The following TIMM44 variants were observed in gnomAD, a reference collection of about 807,000 sequenced individuals.
The protein encoded by TIMM44 is translocase of inner mitochondrial membrane 44.
A neutral mutation model predicts 63.8 loss-of-function variants in TIMM44; 37 were observed. The observed-to-expected ratio is 0.58, with a 90% confidence interval of 0.45 to 0.76. TIMM44 has a LOEUF of 0.76. TIMM44 is among the 30% of genes least tolerant of loss of function. The probability of loss-of-function intolerance (pLI) is 0.00; values close to 1 mark genes in which losing one functional copy is unlikely to be tolerated. For missense variants in TIMM44, 573 were observed against 603.8 expected, an observed-to-expected ratio of 0.95 and a Z score of 0.54; for synonymous variants, 239 against 245.1, an observed-to-expected ratio of 0.98 and a Z score of 0.23.
At chr19:7,938,548 T>A (rs1401467154) in intron 2 of TIMM44, among the ~76,000 whole-genome samples, 1 of 152,176 alleles carries the variant, frequency 6.6e-6, no homozygotes, top group Admixed American at 6.5e-5. Flanking sequence ...GGTTCACGCC[T>A]GTAATCCCAG....
In TIMM44 at chr19:7,932,633, G is replaced by A. The variant is rs770314240; in HGVS notation, c.981C>T (p.Val327=). The A allele has an allele frequency of 5.6e-6, 9 of 1,613,580 alleles. No individual in the cohort carries two copies. Among genetic ancestry groups the A allele is most frequent in the Middle Eastern group, 1.8e-4 (1 of 5,712 alleles). The change falls in exon 9 of 13, where the codon GTC becomes GTT. Residue 327 remains valine (V), a synonymous_variant. Transcript: ENST00000270538. ...KQCENDIIPN[V]LEAMISGELD... ...CTGGGGGTGTGGCACCCACCTCCAG[G>A]ACATTGGGGATGATGTCGTTCTCGC...
chr19:7,927,086 C>T lies in TIMM44; in HGVS notation c.*101G>A. On this transcript the variant is annotated 3_prime_UTR_variant, in exon 13 of 13. Coordinates refer to ENST00000270538, the MANE Select transcript of TIMM44 (RefSeq NM_006351.4). ...GTCCTGGCAGAGCTGGGGGCAGAGC[C>T]CGCAGTCTTGTTCCCAGAGGTCTGG... The T allele has an allele frequency of 2.0e-6, 3 of 1,494,050 alleles. No individual in the cohort carries two copies. The highest frequency in any genetic ancestry group is 2.7e-6 in the Non-Finnish European group (3 of 1,109,952). 92.5% of individuals were successfully genotyped at this position (1,494,050 alleles called of 1,614,324 possible).
At chr19:7,930,303 CTTTTTTT>C (rs71179159) in intron 10 of TIMM44, among the ~76,000 whole-genome samples, 10 of 109,500 alleles carry the variant, frequency 9.1e-5, no homozygotes, top group East Asian at 7.5e-4. Context: ...ATGCTTGGCT[CTTTTTTT>C]TTTTTTTTTT....
chr19:7,928,096 A>G lies in TIMM44; in HGVS notation c.1109T>C (p.Leu370Pro). The G allele has an allele frequency of 1.2e-6, 2 of 1,614,012 alleles. No individual in the cohort carries two copies. Among genetic ancestry groups the G allele is most frequent in the Non-Finnish European group, 1.7e-6 (2 of 1,179,944 alleles). Reference sequence around the variant, plus strand: ...GCTTACGTCGACGTTGTCAATGTCTAGGATGCGAGAATGGAACTGGAGACC... The same window carrying G: ...GCTTACGTCGACGTTGTCAATGTCTGGGATGCGAGAATGGAACTGGAGACC... ...ALGLQFHSRILDIDNVDLAMG... is the reference protein window; with the variant it reads ...ALGLQFHSRIPDIDNVDLAMG... Residue 370 changes from leucine to proline, a missense_variant, in exon 11 of 13, where the codon CTA becomes CCA. By Grantham distance (98) the Leu-to-Pro change is moderately conservative. Coordinates refer to ENST00000270538, the MANE Select transcript of TIMM44 (RefSeq NM_006351.4).
intron 10 of TIMM44, among the ~76,000 whole-genome samples, chr19:7,930,773 A>G (rs990118230): frequency 1.3e-5 from 2 of 152,182 alleles, no homozygotes; most frequent in African/African-American, 4.8e-5. Context: ...GGAGGGAAAA[A>G]AAAGGCCCAG....
At chr19:7,936,471 C>G (rs907888285) in intron 3 of TIMM44, among the ~76,000 whole-genome samples, 1 of 151,998 alleles carries the variant, frequency 6.6e-6, no homozygotes, top group African/African-American at 2.4e-5. Flanking sequence ...AAACAAAAAA[C>G]GAACAAACAA....
intron 10 of TIMM44, among the ~76,000 whole-genome samples, chr19:7,930,695 G>A (rs151135271): frequency 4.6e-5 from 7 of 152,066 alleles, no homozygotes; most frequent in African/African-American, 1.2e-4. Context: ...GCAATCTCCC[G>A]CCTTGGGCTG....
chr19:7,940,984 G>T, intron 2 of TIMM44, 118 bp downstream of exon 2: 1 of 785,530 alleles, frequency 1.3e-6, no homozygotes, highest in Non-Finnish European at 2.2e-6. Context: ...GACACAGAAG[G>T]CCCACCACCG....
At chr19:7,928,279 TGGCAGA>T in intron 10 of TIMM44, 113 bp from the exon 11 acceptor site, 1 of 891,840 alleles carries the variant, frequency 1.1e-6, no homozygotes, top group African/African-American at 1.7e-5. Context: ...CAGCCAGCAA[TGGCAGA>T]GGCCAAGAAC....
intron 1 of TIMM44, among the ~76,000 whole-genome samples, chr19:7,942,827 A>AT: frequency 6.6e-6 from 1 of 151,000 alleles, no homozygotes; most frequent in Non-Finnish European, 1.5e-5. Context: ...TGCCCGGCTA[A>AT]TTTTTTTGTA....
At chr19:7,942,558 G>A (rs891234445) in intron 1 of TIMM44, among the ~76,000 whole-genome samples, 10 of 151,966 alleles carry the variant, frequency 6.6e-5, no homozygotes, top group Non-Finnish European at 1.2e-4. Context: ...CACATTTCCT[G>A]GGCCGTTTTT....
chr19:7,935,715 T>G (rs1217110838), intron 3 of TIMM44, among the ~76,000 whole-genome samples: 3 of 152,284 alleles, frequency 2.0e-5, no homozygotes, highest in Non-Finnish European at 4.4e-5. Flanking sequence ...GGCCCAGCCT[T>G]CACCTTTCAC....
In TIMM44 at chr19:7,931,156, T is replaced by C; in HGVS notation, c.1020A>G (p.Lys340=). The change falls in exon 10 of 13, where the codon AAA becomes AAG. Residue 340 remains lysine, a synonymous_variant. Transcript: ENST00000270538. ...TACTCACAGCTTCATAGCACCAGTC[T>C]TTGAGAATGTCAAGCTCTCCAGAAA... ...AMISGELDIL[K]DWCYEATYSQ... 1.9e-6 allele frequency: 3 copies of C among 1,613,254 alleles called. No individual in the cohort carries two copies. The highest frequency in any genetic ancestry group is 2.5e-6 in the Non-Finnish European group (3 of 1,179,880).
At chr19:7,927,810 C>G (rs751848470) in intron 11 of TIMM44, 43 bp from the exon 12 acceptor site, 58 of 1,586,224 alleles carry the variant, frequency 3.7e-5, no homozygotes, top group Non-Finnish European at 1.4e-5. Context: ...AGAGGACAGC[C>G]CGGCTGCTCC....
chr19:7,932,798 G>C, intron 8 of TIMM44, 42 bp downstream of exon 8: 1 of 1,613,986 alleles, frequency 6.2e-7, no homozygotes, highest in Non-Finnish European at 8.5e-7. Context: ...CGGGGACCCC[G>C]CCCCACCACC....
In TIMM44 at chr19:7,926,914, A is replaced by T. The variant is rs1983820666; in HGVS notation, c.*273T>A. On this transcript the variant is annotated 3_prime_UTR_variant, in exon 13 of 13. Transcript: ENST00000270538. Reference sequence around the variant, plus strand: ...CCCTGGGGCCTCTTGGCACTGTGTGACCTGTGTGCACCCCAGGTGACCAGG... The same window carrying T: ...CCCTGGGGCCTCTTGGCACTGTGTGTCCTGTGTGCACCCCAGGTGACCAGG... 1 of 464,868 alleles carries T rather than the reference A, an allele frequency of 2.2e-6. No homozygotes were observed. Among genetic ancestry groups the T allele is most frequent in the African/African-American group, 2.0e-5 (1 of 50,370 alleles). The allele number at this position is 464,868 out of a possible 1,614,324, so 28.8% of individuals were successfully genotyped here.
intron 10 of TIMM44, among the ~76,000 whole-genome samples, chr19:7,930,271 G>C (rs748174851): frequency 1.7e-4 from 26 of 150,644 alleles, no homozygotes; most frequent in Non-Finnish European, 3.5e-4. Context: ...CCTAATAGCT[G>C]GGACAACAGG....
In TIMM44 at chr19:7,932,889, C is replaced by G. The variant is rs754662926; in HGVS notation, c.813G>C (p.Ala271=). 8 of 1,614,100 alleles carry G rather than the reference C, an allele frequency of 5.0e-6. No homozygotes were observed. Among genetic ancestry groups the G allele is most frequent in the Non-Finnish European group, 6.8e-6 (8 of 1,180,034 alleles). Residue 271 remains alanine (A), a synonymous_variant, in exon 8 of 13, where the codon GCG becomes GCC. Coordinates refer to ENST00000270538, the MANE Select transcript of TIMM44 (RefSeq NM_006351.4). ...TAAGGGCCCGGGATGCCCGGATGAA[C>G]GCGTTGTCGCTTTCGTCATACTTCA... ...MKMKYDESDN[A]FIRASRALTD...
chr19:7,932,039 G>C (rs1240287521), intron 9 of TIMM44, among the ~76,000 whole-genome samples: 2 of 152,238 alleles, frequency 1.3e-5, no homozygotes, highest in East Asian at 3.9e-4. Context: ...CGACTGGGCC[G>C]AAGGTGTCCA....
Sources: allele counts gnomAD v4.1 joint callset (sites outside exome capture counted in the v4.1 genomes callset), GRCh38; gene constraint gnomAD v4.1.1; transcripts MANE v1.5; gene names NCBI Gene and HGNC (gene_info 2026-07-23, HGNC 2026-07-21).